EHD3: variants seen among roughly 807,000 people sequenced by gnomAD.
EHD3 encodes EH domain-containing protein 3.
EHD3 carries 17 observed loss-of-function variants against 43.0 expected under a neutral mutation model. The observed-to-expected ratio is 0.40, with a 90% CI of 0.27 to 0.59. The LOEUF (loss-of-function observed/expected upper bound fraction) is 0.59. Ranked by LOEUF, EHD3 falls within the 20% of genes least tolerant of loss-of-function variation. The probability of loss-of-function intolerance (pLI) is 0.49; values close to 1 mark genes in which losing one functional copy is unlikely to be tolerated. For synonymous variants in EHD3, 313 were observed against 289.5 expected (o/e 1.08, Z -0.82); for missense variants, 594 against 705.6 (o/e 0.84, Z 1.79).
chr2:31,266,215 G>T lies in EHD3; in HGVS notation c.1119G>T (p.Pro373=). 1 of 1,613,426 alleles carries T rather than the reference G, an allele frequency of 6.2e-7. No individual in the cohort carries two copies. Reference sequence around the variant, plus strand: ...CCCAGGACTTTAGCAAGTTCCAGCCGCTGAAGAGCAAGCTGCTGGAGGTAG... The same window carrying T: ...CCCAGGACTTTAGCAAGTTCCAGCCTCTGAAGAGCAAGCTGCTGGAGGTAG... The part of the protein sequence containing the change: ...LQAQDFSKFQ[P]LKSKLLEVVD... The change falls in exon 6 of 6, where the codon CCG becomes CCT. Residue 373 remains proline, a synonymous_variant. Transcript: ENST00000322054. The surrounding 1 kb of genome is among the most constrained non-coding windows in gnomAD (Gnocchi z 5.1).
chr2:31,260,770 G>A lies in EHD3; in HGVS notation c.763G>A (p.Gly255Ser), dbSNP rs138007410. ...CCCAGAGGTGATCCGGGTCTACATCGGCTCCTTCTGGTCCCACCCCCTCCT... is the reference window on the plus strand; with the variant it reads ...CCCAGAGGTGATCCGGGTCTACATCAGCTCCTTCTGGTCCCACCCCCTCCT... ...NTPEVIRVYI[G>S]SFWSHPLLIP... The change falls in exon 4 of 6, where the codon GGC becomes AGC. Residue 255 changes from glycine (G) to serine (S), a missense_variant. Around this residue, in one of 3 missense-constraint regions of EHD3, gnomAD observed 29 missense variants for 60.9 expected, o/e 0.48. Transcript: ENST00000322054. This position sits in a 1 kb window ranked among gnomAD's most constrained non-coding sequence, Gnocchi z 4.6. 3.8e-5 allele frequency: 61 copies of A among 1,614,030 alleles called. No individual in the cohort carries two copies. Among genetic ancestry groups the A allele is most frequent in the Non-Finnish European group, 4.7e-5 (55 of 1,180,046 alleles).
intron 1 of EHD3, among the ~76,000 whole-genome samples, chr2:31,238,121 T>G (rs1683355622): frequency 6.6e-6 from 1 of 152,242 alleles, no homozygotes; most frequent in African/African-American, 2.4e-5. Flanking sequence ...AGTCATATTT[T>G]GCAGTTGTTT....
rs678404 is a variant in EHD3, at chr2:31,268,763, A to G, written c.*2059A>G. The G allele has an allele frequency of 0.14, 21,662 of 152,244 alleles. 1,693 individuals are homozygous for G. Among genetic ancestry groups the G allele is most frequent in the African/African-American group, 0.2 (8,508 of 41,524 alleles). 9.4% of individuals were successfully genotyped at this position (152,244 alleles called of 1,614,324 possible). Reference sequence around the variant, plus strand: ...AGTGCAGGTTAGGGACCATTTCTCAACTCCACACCTTTCTTCAAGCTGAAG... The same window carrying G: ...AGTGCAGGTTAGGGACCATTTCTCAGCTCCACACCTTTCTTCAAGCTGAAG... On this transcript the variant is annotated 3_prime_UTR_variant, in exon 6 of 6. Transcript: ENST00000322054.
At chr2:31,242,132 G>A (rs1683434974) in intron 1 of EHD3, among the ~76,000 whole-genome samples, 1 of 152,192 alleles carries the variant, frequency 6.6e-6, no homozygotes, top group Non-Finnish European at 1.5e-5. Flanking sequence ...TAACTACCAT[G>A]GAACTGCAGA....
intron 3 of EHD3, among the ~76,000 whole-genome samples, chr2:31,255,503 G>A (rs775669877): frequency 2.6e-5 from 4 of 152,196 alleles, no homozygotes; most frequent in Non-Finnish European, 5.9e-5. Flanking sequence ...TTGAGGTTCA[G>A]ATTTGCCAAA....
chr2:31,266,728 G>A lies in EHD3; in HGVS notation c.*24G>A, dbSNP rs770239969. The A allele has an allele frequency of 3.8e-6, 6 of 1,570,496 alleles. No homozygotes were observed. In the South Asian group the frequency reaches 7.2e-5, roughly 19 times the overall value. ...GATGGGGTGGGGGGACATTCAGACG[G>A]GCAGTGTTAGAGGAGGAGATGGGAG... On this transcript the variant is annotated 3_prime_UTR_variant, in exon 6 of 6. Coordinates refer to ENST00000322054, the MANE Select transcript of EHD3 (RefSeq NM_014600.3). This position sits in a 1 kb window ranked among gnomAD's most constrained non-coding sequence, Gnocchi z 5.1.
At position 31,261,647 on chromosome 2, in the gene EHD3, C is replaced by A; in HGVS notation, c.1014C>A (p.Ile338=). 6.2e-7 allele frequency: 1 copy of A among 1,614,228 alleles called. No homozygotes were observed. The highest frequency in any genetic ancestry group is 8.5e-7 in the Non-Finnish European group (1 of 1,180,042). Residue 338 remains isoleucine, a synonymous_variant, in exon 5 of 6, where the codon ATC becomes ATA. Transcript: ENST00000322054. ...AGCTGGTCAACAACCTGGCCGAGAT[C>A]TATGGCCGGATCGAGCGGGAGCACC... ...KKELVNNLAE[I]YGRIEREHQI... is the part of the protein sequence containing the mutation.
chr2:31,257,110 C>G (rs1683765802), intron 3 of EHD3, among the ~76,000 whole-genome samples: 2 of 152,208 alleles, frequency 1.3e-5, no homozygotes, highest in South Asian at 2.1e-4. Flanking sequence ...GAATAAGGAG[C>G]AGCAGAAGGC....
At chr2:31,261,363 A>G (rs903855478) in intron 4 of EHD3, among the ~76,000 whole-genome samples, 186 bp from the exon 5 acceptor site, 2 of 152,156 alleles carry the variant, frequency 1.3e-5, no homozygotes, top group Non-Finnish European at 2.9e-5. Flanking sequence ...CCCACATAAC[A>G]TAGAAAAACA....
chr2:31,263,783 G>A (rs1683895328), intron 5 of EHD3, among the ~76,000 whole-genome samples: 1 of 152,204 alleles, frequency 6.6e-6, no homozygotes, highest in Non-Finnish European at 1.5e-5. Context: ...CTGTGTACTG[G>A]CCTCTTCCCA....
In EHD3 at chr2:31,266,726, C is replaced by T. The variant is rs779821173; in HGVS notation, c.*22C>T. 3.7e-5 allele frequency: 58 copies of T among 1,572,668 alleles called. No homozygotes were observed. The highest frequency in any genetic ancestry group is 1.7e-4 in the Admixed American group (10 of 58,584). The stretch of plus-strand genomic sequence containing the variant: ...GTGATGGGGTGGGGGGACATTCAGA[C>T]GGGCAGTGTTAGAGGAGGAGATGGG... On this transcript the variant is annotated 3_prime_UTR_variant, in exon 6 of 6. Transcript: ENST00000322054. The surrounding 1 kb of genome is among the most constrained non-coding windows in gnomAD (Gnocchi z 5.1).
Position 31,261,711 on chromosome 2 carries a change from C to T in EHD3, c.1078C>T (p.Gln360Ter), listed in dbSNP as rs1208442744. 2 of 1,613,880 alleles carry T rather than the reference C, an allele frequency of 1.2e-6. No homozygotes were observed. Among genetic ancestry groups the T allele is most frequent in the African/African-American group, 1.3e-5 (1 of 74,938 alleles). ...GGACTTCCCCAATCTGAAGAGGATG[C>T]AGGTAGCGAGGGCTGGGGTCTCTAA... ...PGDFPNLKRM[Q>*]DQLQAQDFSK... Residue 360 changes from glutamine to a stop codon, truncating the protein, a stop_gained and splice_region_variant, in exon 5 of 6, where the codon CAG becomes TAG. Coordinates refer to ENST00000322054, the MANE Select transcript of EHD3 (RefSeq NM_014600.3). LOFTEE classifies it high-confidence loss of function.
In EHD3 at chr2:31,266,105, G is replaced by A. The variant is rs373631212; in HGVS notation, c.1081-72G>A. 1.3e-6 allele frequency: 2 copies of A among 1,525,340 alleles called. No individual in the cohort carries two copies. The allele number at this position is 1,525,340 out of a possible 1,614,324, so 94.5% of individuals were successfully genotyped here. ...AGCTGTGAACATTCTGGTGCTCATA[G>A]GAGGCACGTGATAAATGGAGGGCTC... On this transcript the variant is annotated intron_variant, in intron 5 of 5. Coordinates refer to ENST00000322054, the MANE Select transcript of EHD3 (RefSeq NM_014600.3). The surrounding 1 kb of genome is among the most constrained non-coding windows in gnomAD (Gnocchi z 5.1).
At position 31,260,629 on chromosome 2, in the gene EHD3, A is replaced by G. The variant is rs1393459192; in HGVS notation, c.622A>G (p.Lys208Glu). ...DEFSEVIKALKNHEDKMRVVL... is the reference protein window; with the variant it reads ...DEFSEVIKALENHEDKMRVVL... ...GTTCTCAGAAGTCATCAAAGCCCTCAAGAACCACGAGGACAAGATGCGAGT... is the reference window on the plus strand; with the variant it reads ...GTTCTCAGAAGTCATCAAAGCCCTCGAGAACCACGAGGACAAGATGCGAGT... The change falls in exon 4 of 6, where the codon AAG becomes GAG. Residue 208 changes from lysine (K) to glutamate (E), a missense_variant. Around this residue, in one of 3 missense-constraint regions of EHD3, gnomAD observed 243 missense variants for 296.7 expected, o/e 0.82. Coordinates refer to ENST00000322054, the MANE Select transcript of EHD3 (RefSeq NM_014600.3). The surrounding 1 kb of genome is among the most constrained non-coding windows in gnomAD (Gnocchi z 4.6). 6.2e-7 allele frequency: 1 copy of G among 1,614,188 alleles called. No individual in the cohort carries two copies. The highest frequency in any genetic ancestry group is 2.2e-5 in the East Asian group (1 of 44,878).
intron 2 of EHD3, among the ~76,000 whole-genome samples, chr2:31,244,689 G>C (rs1485899622): frequency 6.6e-6 from 1 of 152,178 alleles, no homozygotes; most frequent in Non-Finnish European, 1.5e-5. Context: ...ATACAACAAT[G>C]ACTCAGGTCA....
intron 3 of EHD3, among the ~76,000 whole-genome samples, chr2:31,256,353 C>T (rs1436288193): frequency 1.3e-5 from 2 of 152,330 alleles, no homozygotes; most frequent in East Asian, 1.9e-4. Context: ...TCACTGATTC[C>T]TCAACCATAA....
At position 31,252,538 on chromosome 2, in the gene EHD3, A is replaced by G. The variant is rs113157990; in HGVS notation, c.502+3070A>G. On this transcript the variant is annotated intron_variant, in intron 3 of 5. Coordinates refer to ENST00000322054, the MANE Select transcript of EHD3 (RefSeq NM_014600.3). ...TCACCAAGCTGGACTGCAATGGCGT[A>G]ATCTCGGCTCACTGCAACCTCTGCC... Among the ~76,000 whole-genome samples, 468 of 152,330 alleles carry G rather than the reference A, an allele frequency of 3.1e-3. 2 individuals are homozygous for G. The highest frequency in any genetic ancestry group is 0.011 in the African/African-American group (451 of 41,574).
At position 31,249,498 on chromosome 2, in the gene EHD3, G is replaced by A. The variant is rs764141548; in HGVS notation, c.502+30G>A. 6.9e-6 allele frequency: 11 copies of A among 1,603,694 alleles called. No homozygotes were observed. The East Asian group carries it at 1.8e-4, about 26-fold the overall frequency. ...GCAACCTGCCTGAGGGGTGTTGGCTGTGGGCTCCATGGTTCTGGCACGTTC... is the reference window on the plus strand; with the variant it reads ...GCAACCTGCCTGAGGGGTGTTGGCTATGGGCTCCATGGTTCTGGCACGTTC... On this transcript the variant is annotated intron_variant, in intron 3 of 5. Transcript: ENST00000322054.
At position 31,267,077 on chromosome 2, in the gene EHD3, A is replaced by C; in HGVS notation, c.*373A>C. 4.8e-6 allele frequency: 1 copy of C among 210,332 alleles called. No homozygotes were observed. The highest frequency in any genetic ancestry group is 1.1e-4 in the East Asian group (1 of 9,504). 13.0% of individuals were successfully genotyped at this position (210,332 alleles called of 1,614,324 possible). ...GTGCTTCCACACCCGGGCTCTGAGC[A>C]AATGGAAAAGACTTTTCATTTAGTA... On this transcript the variant is annotated 3_prime_UTR_variant, in exon 6 of 6. Transcript: ENST00000322054.
Sources: allele counts gnomAD v4.1 joint callset (sites outside exome capture counted in the v4.1 genomes callset), GRCh38; gene constraint gnomAD v4.1.1; regional missense constraint gnomAD v4.1.1; non-coding constraint Gnocchi (gnomAD v3.1); transcripts MANE v1.5; gene names NCBI Gene and HGNC (gene_info 2026-07-23, HGNC 2026-07-21).